CTPS1: variants seen among roughly 807,000 people sequenced by gnomAD.
CTPS1 encodes the protein CTP synthase 1, also known as CTP synthetase 1.
A neutral mutation model predicts 80.5 loss-of-function variants in CTPS1; 25 were observed. The observed-to-expected ratio is 0.31, with a 90% CI of 0.23 to 0.43. The LOEUF (loss-of-function observed/expected upper bound fraction) is 0.43. Among genes scored for constraint, CTPS1 ranks in the 20% least tolerant of loss-of-function variants. The pLI, the probability that CTPS1 is intolerant of heterozygous loss-of-function variation, is 1.00. For synonymous variants in CTPS1, 267 were observed against 252.5 expected (o/e 1.06, Z -0.54); for missense variants, 442 against 725.7 (o/e 0.61, Z 4.49).
intron 2 of CTPS1, among the ~76,000 whole-genome samples, chr1:40,984,595 C>G: frequency 6.6e-6 from 1 of 152,176 alleles, no homozygotes. Context: ...TATAACTCTT[C>G]TTAAGAATGA....
chr1:40,997,174 C>T (rs1416518641), intron 8 of CTPS1: 2 of 493,462 alleles, frequency 4.1e-6, no homozygotes, highest in African/African-American at 4.0e-5. Flanking sequence ...ACACTGTTGC[C>T]CAGGCTGTAG....
chr1:40,989,099 C>T (rs767990530), intron 5 of CTPS1, among the ~76,000 whole-genome samples: 43 of 152,172 alleles, frequency 2.8e-4, no homozygotes, highest in South Asian at 1.7e-3. Context: ...ATCTTAAGCC[C>T]GCAGCAGTGA....
rs577713067 is a variant in CTPS1 at position 40,996,937 on chromosome 1, GAAA to G, written c.873-452_873-450del. Among the ~76,000 whole-genome samples, 20 of 151,728 alleles carry G rather than the reference GAAA, an allele frequency of 1.3e-4. No homozygotes were observed. The South Asian group carries it at 3.7e-3, about 28-fold the overall frequency. Reference sequence around the variant, plus strand: ...TGTTATTTTTTTTGGTCTTTGGTATGAAAAAAATTTTTTGTAGGCAAATTTGTG... The same window carrying G: ...TGTTATTTTTTTTGGTCTTTGGTATGAAAATTTTTTGTAGGCAAATTTGTG... On this transcript the variant is annotated intron_variant, in intron 8 of 18. Coordinates refer to ENST00000650070, the MANE Select transcript of CTPS1 (RefSeq NM_001905.4).
chr1:40,992,946 A>C (rs2148400056), intron 7 of CTPS1, among the ~76,000 whole-genome samples: 1 of 152,014 alleles, frequency 6.6e-6, no homozygotes, highest in East Asian at 1.9e-4. Context: ...CACCTGCCTC[A>C]GCCTCCCAAA....
chr1:40,989,526 A>C (rs1017278537), intron 5 of CTPS1, among the ~76,000 whole-genome samples: 1 of 152,154 alleles, frequency 6.6e-6, no homozygotes, highest in Non-Finnish European at 1.5e-5. Flanking sequence ...CCCATGAAAT[A>C]AGCCAGCCAG....
chr1:41,009,328 A>T (rs1643111732), intron 16 of CTPS1, 117 bp from the exon 17 acceptor site: 2 of 1,052,156 alleles, frequency 1.9e-6, no homozygotes, highest in Non-Finnish European at 2.7e-6. Context: ...CAAATGAGAA[A>T]GTCATTTTCA....
chr1:41,001,435 T>A (rs1642901514), intron 10 of CTPS1: 1 of 277,900 alleles, frequency 3.6e-6, no homozygotes, highest in African/African-American at 2.3e-5. Flanking sequence ...CAGCTGTTAT[T>A]TATAATAGTA....
At chr1:41,003,030 CAA>C in intron 11 of CTPS1, 82 bp from the exon 12 acceptor site, 1 of 1,340,076 alleles carries the variant, frequency 7.5e-7, no homozygotes, top group Non-Finnish European at 1.1e-6. Context: ...ATAAAGGACA[CAA>C]AGGCCATTGC....
chr1:40,980,095 G>A (rs1313756284), intron 1 of CTPS1: 2 of 151,192 alleles, frequency 1.3e-5, no homozygotes, highest in Non-Finnish European at 2.9e-5. Flanking sequence ...CGGGGCGCGG[G>A]GCGGCTTCAG....
In CTPS1 at chr1:40,997,399, A is replaced by G. The variant is rs1334392362; in HGVS notation, c.878A>G (p.Asp293Gly). 1 of 1,613,362 alleles carries G rather than the reference A, an allele frequency of 6.2e-7. No individual in the cohort carries two copies. Among genetic ancestry groups the G allele is most frequent in the South Asian group, 1.1e-5 (1 of 90,976 alleles). Residue 293 changes from aspartate (D) to glycine (G), a missense_variant, in exon 9 of 19, where the codon GAT becomes GGT. Asp to Gly is a moderately conservative substitution (Grantham distance 94). This residue lies in a region of CTPS1 where 321 missense variants were observed against 467.2 expected (regional missense o/e 0.69). Coordinates refer to ENST00000650070, the MANE Select transcript of CTPS1 (RefSeq NM_001905.4). ...MKWKEMADRY[D>G]RLLETCSIAL... ...TCTTGACGTTTATTTGATAGATATGATCGCTTGCTGGAGACCTGCTCTATT... is the reference window on the plus strand; with the variant it reads ...TCTTGACGTTTATTTGATAGATATGGTCGCTTGCTGGAGACCTGCTCTATT...
At chr1:40,992,682 ATTTT>A (rs67623913) in intron 7 of CTPS1, among the ~76,000 whole-genome samples, 1 of 127,920 alleles carries the variant, frequency 7.8e-6, no homozygotes. Flanking sequence ...AAATTGTTCA[ATTTT>A]TTTTTTTTTT....
chr1:41,009,706 T>C, intron 17 of CTPS1, 117 bp downstream of exon 17: 2 of 1,286,904 alleles, frequency 1.6e-6, no homozygotes, highest in Non-Finnish European at 2.1e-6. Flanking sequence ...CACAGGCGCC[T>C]GGGGTGAAAG....
At chr1:41,000,127 G>A (rs1642866573) in intron 9 of CTPS1, among the ~76,000 whole-genome samples, 1 of 152,230 alleles carries the variant, frequency 6.6e-6, no homozygotes, top group South Asian at 2.1e-4. Context: ...TTCTATAAGA[G>A]GCAAAACGAA....
chr1:41,003,203 A>G (rs1179950611), intron 12 of CTPS1, 27 bp downstream of exon 12: 3 of 1,613,044 alleles, frequency 1.9e-6, no homozygotes, highest in Admixed American at 3.3e-5. Flanking sequence ...ACACTCATTC[A>G]ATTCCCGCTT....
chr1:40,987,270 T>C, intron 3 of CTPS1, 102 bp from the exon 4 acceptor site: 2 of 835,330 alleles, frequency 2.4e-6, no homozygotes, highest in Admixed American at 2.0e-5. Flanking sequence ...TGCTACTCTC[T>C]CCAGGCAAAG....
intron 5 of CTPS1, among the ~76,000 whole-genome samples, chr1:40,990,299 T>G: frequency 6.6e-6 from 1 of 152,202 alleles, no homozygotes; most frequent in East Asian, 1.9e-4. Flanking sequence ...GTTTCTGGGT[T>G]GAAAGGGCCC....
At chr1:40,988,774 G>T in intron 5 of CTPS1, 64 bp downstream of exon 5, 1 of 1,107,308 alleles carries the variant, frequency 9.0e-7, no homozygotes, top group South Asian at 1.3e-5. Flanking sequence ...AGGTAAACCG[G>T]AATGATTTTC....
Position 41,003,128 on chromosome 1 carries a change from A to C in CTPS1, c.1204A>C (p.Met402Leu), listed in dbSNP as rs1308589550. 3 of 1,613,996 alleles carry C rather than the reference A, an allele frequency of 1.9e-6. No individual in the cohort carries two copies. The highest frequency in any genetic ancestry group is 2.5e-6 in the Non-Finnish European group (3 of 1,180,026). ...KKPFLGVCLG[M>L]QLAVVEFSRN... ...CCGACTGGAAGGCGTGTGCTTAGGG[A>C]TGCAGTTGGCAGTGGTTGAATTCTC... The change falls in exon 12 of 19, where the codon ATG becomes CTG. Residue 402 changes from methionine (M) to leucine (L), a missense_variant. Transcript: ENST00000650070.
At chr1:41,001,364 G>T (rs1009885736) in intron 10 of CTPS1, among the ~76,000 whole-genome samples, 7 of 152,154 alleles carry the variant, frequency 4.6e-5, no homozygotes, top group African/African-American at 1.7e-4. Context: ...GCTCATTTAA[G>T]GATTTTTCAT....
Sources: allele counts gnomAD v4.1 joint callset (sites outside exome capture counted in the v4.1 genomes callset), GRCh38; gene constraint gnomAD v4.1.1; regional missense constraint gnomAD v4.1.1; transcripts MANE v1.5; gene names NCBI Gene and HGNC (gene_info 2026-07-23, HGNC 2026-07-21).